The following CCDC13 variants were observed in gnomAD, a reference collection of about 807,000 sequenced individuals.
CCDC13 encodes the protein coiled-coil domain-containing protein 13.
Under a neutral mutation model 87.3 loss-of-function variants are expected in CCDC13, and 70 were observed. The observed-to-expected ratio is 0.80, with a 90% CI of 0.66 to 0.98. The LOEUF is 0.98. CCDC13 is among the 50% of genes least tolerant of loss of function. The pLI is 0.00. For missense variants in CCDC13, 842 were observed against 892.0 expected (o/e 0.94, Z 0.71); for synonymous variants, 317 against 360.3 (o/e 0.88, Z 1.36).
intron 10 of CCDC13, among the ~76,000 whole-genome samples, chr3:42,733,957 G>A (rs4593000): frequency 6.9e-4 from 105 of 152,294 alleles, no homozygotes; most frequent in Non-Finnish European, 1.3e-3. Flanking sequence ...CCCACATGTG[G>A]TTGAACACCA....
At chr3:42,755,824 T>A (rs1430763972) in intron 3 of CCDC13, among the ~76,000 whole-genome samples, 1 of 151,704 alleles carries the variant, frequency 6.6e-6, no homozygotes, top group African/African-American at 2.4e-5. Flanking sequence ...GAAGAGGGAG[T>A]AACCCCAGAT....
rs577622127 is a variant in CCDC13 at position 42,755,337 on chromosome 3, G to A, written c.370+1729C>T. Reference sequence around the variant, plus strand: ...AAAAACATAAATGGAGGCCAGTCGCGGTGGCTCACACCTGTAATCCCAGGA... The same window carrying A: ...AAAAACATAAATGGAGGCCAGTCGCAGTGGCTCACACCTGTAATCCCAGGA... On this transcript the variant is annotated intron_variant, in intron 3 of 15. Transcript: ENST00000310232. Among the ~76,000 whole-genome samples, 12 of 152,294 alleles carry A rather than the reference G, an allele frequency of 7.9e-5. No individual in the cohort carries two copies. The South Asian group carries it at 1.7e-3, about 21-fold the overall frequency.
intron 1 of CCDC13, among the ~76,000 whole-genome samples, chr3:42,762,955 A>T (rs1466608928): frequency 6.6e-6 from 1 of 152,200 alleles, no homozygotes; most frequent in African/African-American, 2.4e-5. Context: ...TCCAAAATAA[A>T]AAAAGAAAAA....
chr3:42,742,676 A>T (rs1699257479), intron 8 of CCDC13, among the ~76,000 whole-genome samples: 1 of 152,154 alleles, frequency 6.6e-6, no homozygotes, highest in African/African-American at 2.4e-5. Context: ...TGGGGCCACG[A>T]AAAGTTCATT....
chr3:42,728,757 G>C (rs1559642479), intron 13 of CCDC13, among the ~76,000 whole-genome samples: 1 of 152,200 alleles, frequency 6.6e-6, no homozygotes, highest in Non-Finnish European at 1.5e-5. Context: ...GGTGTTGGTT[G>C]ATGGGCCTGG....
At chr3:42,732,104 C>T (rs996027638) in intron 12 of CCDC13, among the ~76,000 whole-genome samples, 10 of 152,222 alleles carry the variant, frequency 6.6e-5, no homozygotes, top group Non-Finnish European at 1.3e-4. Flanking sequence ...CCCTAAGGAG[C>T]GTGGCACATG....
rs560592567 is a variant in CCDC13 at position 42,759,303 on chromosome 3, T to G, written c.-6-952A>C. On this transcript the variant is annotated intron_variant, in intron 1 of 15. Transcript: ENST00000310232. ...CATTGTGAGTAACAGTGAGACCCTG[T>G]CTCCAAAAAAAAAAAAAACACAAAT... Among the ~76,000 whole-genome samples the G allele has an allele frequency of 3.6e-3, 472 of 132,890 alleles. 6 individuals carry two copies. The highest frequency in any genetic ancestry group is 0.013 in the African/African-American group (459 of 35,620). The allele number at this position is 132,890 out of a possible 152,430, so 87.2% of individuals were successfully genotyped here.
At position 42,739,745 on chromosome 3, in the gene CCDC13, G is replaced by A. The variant is rs149009357; in HGVS notation, c.1053C>T (p.Gly351=). The part of the protein sequence containing the change: ...ELEELKKKFE[G]MRSRNKLLSS... The stretch of plus-strand genomic sequence containing the variant: ...ACAGCAGCTTGTTCCGAGACCTCAT[G>A]CCCTCGAACTTCTTTTTTAGCTCTT... Residue 351 remains glycine, a synonymous_variant, in exon 9 of 16, where the codon GGC becomes GGT. Transcript: ENST00000310232. 3.2e-5 allele frequency: 51 copies of A among 1,614,058 alleles called. No homozygotes were observed. The African/African-American group carries it at 5.6e-4, about 18-fold the overall frequency.
chr3:42,741,307 A>G (rs1211557349), intron 8 of CCDC13, among the ~76,000 whole-genome samples: 1 of 152,060 alleles, frequency 6.6e-6, no homozygotes, highest in Non-Finnish European at 1.5e-5. Context: ...ACAGTCCACT[A>G]TCTTGGCAAA....
At chr3:42,714,478 C>A (rs915116974) in intron 13 of CCDC13, among the ~76,000 whole-genome samples, 2 of 152,146 alleles carry the variant, frequency 1.3e-5, no homozygotes, top group African/African-American at 4.8e-5. Flanking sequence ...TTTCTACATG[C>A]CTGTCATAAA....
rs777106239 is a variant in CCDC13, at chr3:42,735,905, C to T, written c.1173G>A (p.Leu391=). The T allele has an allele frequency of 2.5e-6, 4 of 1,613,488 alleles. No individual in the cohort carries two copies. The highest frequency in any genetic ancestry group is 1.7e-5 in the Admixed American group (1 of 59,926). Residue 391 remains leucine, a synonymous_variant, in exon 10 of 16, where the codon CTG becomes CTA. Coordinates refer to ENST00000310232, the MANE Select transcript of CCDC13 (RefSeq NM_144719.4). ...DELIDALMDQ[L]KQLQEILGSL... is the part of the protein sequence containing the mutation. ...TGCCTAGGATCTCCTGTAGCTGCTT[C>T]AGCTGGTCCTGGGGGGCCAGGCAGG...
At chr3:42,743,886 G>A (rs544906646) in intron 7 of CCDC13, among the ~76,000 whole-genome samples, 1 of 152,066 alleles carries the variant, frequency 6.6e-6, no homozygotes, top group Non-Finnish European at 1.5e-5. Flanking sequence ...TTTGGAAACA[G>A]ACTGCCTCAA....
intron 7 of CCDC13, among the ~76,000 whole-genome samples, chr3:42,743,602 C>CATACAT (rs1559651759): frequency 4.2e-5 from 3 of 71,024 alleles, no homozygotes; most frequent in Non-Finnish European, 8.4e-5. Flanking sequence ...TATATATATA[C>CATACAT]ACACACACAT....
Position 42,752,714 on chromosome 3 carries a change from G to A in CCDC13, c.374C>T (p.Thr125Ile), listed in dbSNP as rs1461348733. Residue 125 changes from threonine to isoleucine, a missense_variant, in exon 4 of 16, where the codon ACA becomes ATA. Physicochemically the swap from Thr to Ile is moderately conservative, Grantham distance 89. Transcript: ENST00000310232. ...GACCACGTCTCCGGCTACACCGGCT[G>A]TCCCTAAAATGAAAGGAATGGTGAG... is the stretch of plus-strand genomic sequence containing the variant. ...IEEDRFAFTGTAGVAGDVVAT... is the reference protein window; with the variant it reads ...IEEDRFAFTGIAGVAGDVVAT... 5.6e-6 allele frequency: 9 copies of A among 1,614,004 alleles called. No individual in the cohort carries two copies. The highest frequency in any genetic ancestry group is 7.6e-6 in the Non-Finnish European group (9 of 1,180,030).
intron 1 of CCDC13, among the ~76,000 whole-genome samples, chr3:42,758,982 T>C (rs1699769835): frequency 6.6e-6 from 1 of 152,230 alleles, no homozygotes; most frequent in Non-Finnish European, 1.5e-5. Context: ...TAATTTTGTC[T>C]GGTTTCTTTT....
Position 42,709,158 on chromosome 3 carries a change from T to A in CCDC13, c.1989-19A>T, listed in dbSNP as rs773959683. On this transcript the variant is annotated intron_variant, in intron 15 of 15. Transcript: ENST00000310232. Reference sequence around the variant, plus strand: ...GGCCAGCCTGGACCACAGGAGACAGTGCTCAGTGTGGCTGGAGCTGCACAC... The same window carrying A: ...GGCCAGCCTGGACCACAGGAGACAGAGCTCAGTGTGGCTGGAGCTGCACAC... 2 of 1,601,238 alleles carry A rather than the reference T, an allele frequency of 1.2e-6. No homozygotes were observed. Among genetic ancestry groups the A allele is most frequent in the Admixed American group, 3.4e-5 (2 of 58,612 alleles).
chr3:42,772,492 T>C (rs1700148500), intron 1 of CCDC13, among the ~76,000 whole-genome samples: 1 of 152,106 alleles, frequency 6.6e-6, no homozygotes, highest in Non-Finnish European at 1.5e-5. Flanking sequence ...GGCCTGCCAC[T>C]TTTTTCATTG....
At chr3:42,713,381 G>A in intron 13 of CCDC13, 65 bp from the exon 14 acceptor site, 1 of 1,557,438 alleles carries the variant, frequency 6.4e-7, no homozygotes, top group Non-Finnish European at 8.8e-7. Context: ...TACCCCACTT[G>A]CTCAGGCCCT....
intron 7 of CCDC13, among the ~76,000 whole-genome samples, chr3:42,744,320 C>T (rs1699326199): frequency 6.6e-6 from 1 of 152,106 alleles, no homozygotes; most frequent in East Asian, 1.9e-4. Context: ...GTCCTTCTGA[C>T]CCTGGTTTCC....
Sources: gnomAD v4.1 joint callset for allele counts (sites outside exome capture counted in the v4.1 genomes callset) on GRCh38, gnomAD v4.1.1 for gene constraint, MANE v1.5 for transcripts, NCBI Gene and HGNC (gene_info 2026-07-23, HGNC 2026-07-21) for gene names.